The following ZFP69B variants were observed in gnomAD, a reference collection of about 807,000 sequenced individuals.
ZFP69B encodes the protein ZFP69 zinc finger protein B.
A neutral mutation model predicts 19.7 loss-of-function variants in ZFP69B; 20 were observed. The ratio of observed to expected loss-of-function variants is 1.02; its 90% CI spans 0.71 to 1.48. ZFP69B has a LOEUF of 1.48. Ranked by LOEUF, ZFP69B falls within the 40% of genes most tolerant of loss-of-function variation. The probability of loss-of-function intolerance (pLI) is 0.00; values close to 1 mark genes in which losing one functional copy is unlikely to be tolerated. For missense variants in ZFP69B, 583 were observed against 632.6 expected, an observed-to-expected ratio of 0.92 and a Z score of 0.84; for synonymous variants, 220 against 222.7, an observed-to-expected ratio of 0.99 and a Z score of 0.11.
At position 40,450,856 on chromosome 1, in the gene ZFP69B, C is replaced by G. The variant is rs1569963896; in HGVS notation, c.-106C>G. The G allele has an allele frequency of 3.8e-6, 5 of 1,314,412 alleles. No individual in the cohort carries two copies. The East Asian group carries it at 1.2e-4, about 31-fold the overall frequency. 81.4% of individuals were successfully genotyped at this position (1,314,412 alleles called of 1,614,324 possible). On this transcript the variant is annotated 5_prime_UTR_variant, in exon 1 of 5. Transcript: ENST00000361584. ...GAGTCGGCGATTAAGGAGATCGGTA[C>G]AATTGGGAAGCCTCCTGTCAGAGCT...
intron 4 of ZFP69B, among the ~76,000 whole-genome samples, chr1:40,459,886 T>C (rs1645266570): frequency 6.6e-6 from 1 of 152,124 alleles, no homozygotes; most frequent in Admixed American, 6.6e-5. Flanking sequence ...GAAGTATTGG[T>C]GCTTTAGGTT....
intron 4 of ZFP69B, among the ~76,000 whole-genome samples, chr1:40,458,159 A>G (rs576328403): frequency 2.4e-4 from 37 of 152,242 alleles, no homozygotes; most frequent in Non-Finnish European, 4.3e-4. Context: ...GTTAGCTACT[A>G]CTTGGTGGAC....
chr1:40,452,033 G>A (rs1189280029), intron 1 of ZFP69B, among the ~76,000 whole-genome samples: 3 of 152,210 alleles, frequency 2.0e-5, no homozygotes, highest in Non-Finnish European at 2.9e-5. Flanking sequence ...GTTGAGGCAC[G>A]AGAATCGCTT....
rs927485087 is a variant in ZFP69B, at chr1:40,457,513, G to A, written c.436+74G>A. 15 of 1,228,720 alleles carry A rather than the reference G, an allele frequency of 1.2e-5. No individual in the cohort carries two copies. In the East Asian group the frequency reaches 2.3e-4, roughly 19 times the overall value. 76.1% of individuals were successfully genotyped at this position (1,228,720 alleles called of 1,614,324 possible). ...CCTCAAGGCCTTCTCCAAGTTGTGG[G>A]GAAGACTGAGGCCATGTGGATGGTA... On this transcript the variant is annotated intron_variant, in intron 4 of 4. Coordinates refer to ENST00000361584, the MANE Select transcript of ZFP69B (RefSeq NM_023070.3).
At chr1:40,462,012 C>G (rs1004738783) in intron 4 of ZFP69B, among the ~76,000 whole-genome samples, 3 of 152,156 alleles carry the variant, frequency 2.0e-5, no homozygotes, top group Non-Finnish European at 4.4e-5. Context: ...CCTCCCAACT[C>G]AGCCTCCTAA....
At chr1:40,456,613 T>C (rs569206867) in intron 2 of ZFP69B, among the ~76,000 whole-genome samples, 2 of 152,348 alleles carry the variant, frequency 1.3e-5, no homozygotes, top group East Asian at 3.9e-4. Flanking sequence ...CTGTCTTCTC[T>C]TGTGGCCTTA....
At chr1:40,454,648 C>T (rs1569972320) in intron 2 of ZFP69B, among the ~76,000 whole-genome samples, 4 of 152,152 alleles carry the variant, frequency 2.6e-5, no homozygotes, top group South Asian at 4.1e-4. Context: ...CCACCCACCT[C>T]GGCCTCCCAA....
rs1645240167 is a variant in ZFP69B, at chr1:40,457,063, T to G, written c.332T>G (p.Val111Gly). The G allele has an allele frequency of 1.9e-6, 3 of 1,603,224 alleles. No individual in the cohort carries two copies. The Admixed American group carries it at 5.2e-5, about 28-fold the overall frequency. ...EVMLENYGNL[V>G]SVGCQLSKPG... ...ATGCTGGAGAACTATGGGAACCTGG[T>G]CTCAGTGGGTAAGGATGGGCTCCTC... is the stretch of plus-strand genomic sequence containing the variant. Residue 111 changes from valine to glycine, a missense_variant, in exon 3 of 5, where the codon GTC becomes GGC. Transcript: ENST00000361584.
Position 40,462,734 on chromosome 1 carries a change from T to A in ZFP69B, c.750T>A (p.Asp250Glu). ...CAATAGGTCTTCCAAGAAAAAGAGATCGTAAATATGACACACCTGGAAAGA... is the reference window on the plus strand; with the variant it reads ...CAATAGGTCTTCCAAGAAAAAGAGAACGTAAATATGACACACCTGGAAAGA... ...PGPIGLPRKR[D>E]RKYDTPGKRS... The change falls in exon 5 of 5, where the codon GAT becomes GAA. Residue 250 changes from aspartate to glutamate, a missense_variant. By Grantham distance (45) the Asp-to-Glu change is conservative. Coordinates refer to ENST00000361584, the MANE Select transcript of ZFP69B (RefSeq NM_023070.3). 1 of 1,614,096 alleles carries A rather than the reference T, an allele frequency of 6.2e-7. No homozygotes were observed. Among genetic ancestry groups the A allele is most frequent in the Non-Finnish European group, 8.5e-7 (1 of 1,180,008 alleles).
intron 4 of ZFP69B, among the ~76,000 whole-genome samples, chr1:40,457,808 A>C (rs1645247762): frequency 1.3e-5 from 2 of 152,038 alleles, no homozygotes; most frequent in Non-Finnish European, 2.9e-5. Context: ...CTGTCATGTC[A>C]TTTTACCATC....
chr1:40,458,041 A>G (rs374177321), intron 4 of ZFP69B, among the ~76,000 whole-genome samples: 1 of 152,170 alleles, frequency 6.6e-6, no homozygotes, highest in Admixed American at 6.5e-5. Flanking sequence ...AATGACAGGT[A>G]TTTACCTGGG....
At chr1:40,462,300 T>G in intron 4 of ZFP69B, 121 bp from the exon 5 acceptor site, 1 of 896,528 alleles carries the variant, frequency 1.1e-6, no homozygotes. Context: ...CAGAATCACA[T>G]TTGAGGATGA....
At chr1:40,461,521 A>G (rs1180236717) in intron 4 of ZFP69B, among the ~76,000 whole-genome samples, 1 of 152,056 alleles carries the variant, frequency 6.6e-6, no homozygotes, top group Non-Finnish European at 1.5e-5. Context: ...ACACCCAGGC[A>G]TGGTGGCTTA....
In ZFP69B at chr1:40,463,636, A is replaced by G. The variant is rs1645314967; in HGVS notation, c.*47A>G. The G allele has an allele frequency of 1.3e-6, 2 of 1,485,582 alleles. No individual in the cohort carries two copies. Among genetic ancestry groups the G allele is most frequent in the African/African-American group, 2.8e-5 (2 of 71,210 alleles). 92.0% of individuals were successfully genotyped at this position (1,485,582 alleles called of 1,614,324 possible). A position where few individuals can be genotyped will look rare whatever the true frequency, so the allele number is the denominator to read the frequency against. ...TCTATGTTGGAGCACAAGATTCTAA[A>G]TCAGTGGTTCCCTGATCCCTCAAAA... is the stretch of plus-strand genomic sequence containing the variant. On this transcript the variant is annotated 3_prime_UTR_variant, in exon 5 of 5. Coordinates refer to ENST00000361584, the MANE Select transcript of ZFP69B (RefSeq NM_023070.3).
chr1:40,461,982 G>A (rs922704254), intron 4 of ZFP69B, among the ~76,000 whole-genome samples: 3 of 152,000 alleles, frequency 2.0e-5, no homozygotes, highest in Non-Finnish European at 2.9e-5. Context: ...GCGTGATTAC[G>A]GGCTGAGATG....
In ZFP69B at chr1:40,463,251, G is replaced by A; in HGVS notation, c.1267G>A (p.Val423Ile). 6.2e-7 allele frequency: 1 copy of A among 1,614,124 alleles called. No homozygotes were observed. Among genetic ancestry groups the A allele is most frequent in the African/African-American group, 1.3e-5 (1 of 75,040 alleles). ...TGGTGTGAAACCCTATATTTGTAAT[G>A]TATGTAGTAAAACCTTCAGCCATAG... ...HTGVKPYICN[V>I]CSKTFSHSTY... Residue 423 changes from valine (V) to isoleucine (I), a missense_variant, in exon 5 of 5, where the codon GTA (valine) becomes ATA (isoleucine). Transcript: ENST00000361584.
chr1:40,454,130 T>G (rs1645211312), intron 1 of ZFP69B, 73 bp from the exon 2 acceptor site: 1 of 1,195,048 alleles, frequency 8.4e-7, no homozygotes, highest in Admixed American at 2.4e-5. Flanking sequence ...CCACAATGAG[T>G]GGGTCTGTAG....
rs1295188880 is a variant in ZFP69B at position 40,457,397 on chromosome 1, C to T, written c.394C>T (p.Pro132Ser). ...VISQLEKGEEPWLMERDISGV... is the reference protein window; with the variant it reads ...VISQLEKGEESWLMERDISGV... ...TTCCCAGTTGGAGAAAGGAGAAGAA[C>T]CATGGCTGATGGAGAGAGATATTTC... The change falls in exon 4 of 5, where the codon CCA becomes TCA. Residue 132 changes from proline to serine, a missense_variant. Physicochemically the swap from Pro to Ser is moderately conservative, Grantham distance 74. Coordinates refer to ENST00000361584, the MANE Select transcript of ZFP69B (RefSeq NM_023070.3). 6.2e-7 allele frequency: 1 copy of T among 1,614,140 alleles called. No homozygotes were observed. The highest frequency in any genetic ancestry group is 8.5e-7 in the Non-Finnish European group (1 of 1,180,022).
chr1:40,454,460 G>A (rs950571347), intron 2 of ZFP69B, among the ~76,000 whole-genome samples, 172 bp downstream of exon 2: 2 of 151,872 alleles, frequency 1.3e-5, no homozygotes, highest in East Asian at 1.9e-4. Context: ...GTGCAGTAGC[G>A]CAATCTCGGC....
Sources: gnomAD v4.1 joint callset for allele counts (sites outside exome capture counted in the v4.1 genomes callset) on GRCh38, gnomAD v4.1.1 for gene constraint, MANE v1.5 for transcripts, NCBI Gene and HGNC (gene_info 2026-07-23, HGNC 2026-07-21) for gene names.